Variants in TAOK3 observed in about 807,000 individuals in gnomAD.
TAOK3 encodes TAO kinase 3.
A neutral mutation model predicts 120.4 loss-of-function variants in TAOK3; 40 were observed. The ratio of observed to expected loss-of-function variants is 0.33; its 90% CI spans 0.26 to 0.43. TAOK3 has a LOEUF of 0.43. TAOK3 is among the 20% of genes least tolerant of loss of function. The pLI is 1.00. For synonymous variants in TAOK3, 355 were observed against 387.5 expected, an observed-to-expected ratio of 0.92 and a Z score of 0.99; for missense variants, 821 against 1,112.1, an observed-to-expected ratio of 0.74 and a Z score of 3.72.
intron 1 of TAOK3, among the ~76,000 whole-genome samples, chr12:118,270,899 G>C (rs576130127): frequency 6.6e-6 from 1 of 151,588 alleles, no homozygotes; most frequent in Non-Finnish European, 1.5e-5. Flanking sequence ...GGATGATCTC[G>C]ATCTTCTGAC....
intron 19 of TAOK3, 28 bp from the exon 20 acceptor site, chr12:118,152,437 A>G (rs2034516303): frequency 6.3e-7 from 1 of 1,586,864 alleles, no homozygotes; most frequent in Non-Finnish European, 8.6e-7. Flanking sequence ...ACACACGGTC[A>G]TGCACCCTTG....
chr12:118,269,610 T>C (rs1353116833), intron 1 of TAOK3, among the ~76,000 whole-genome samples: 11 of 152,096 alleles, frequency 7.2e-5, no homozygotes. Context: ...CTTGCGATGA[T>C]GCACCTGCCT....
chr12:118,361,415 A>G (rs2045593010), intron 1 of TAOK3, among the ~76,000 whole-genome samples: 1 of 152,150 alleles, frequency 6.6e-6, no homozygotes, highest in African/African-American at 2.4e-5. Flanking sequence ...TTTGCAGATG[A>G]ATACTACTCT....
At chr12:118,370,883 A>C (rs1479175804) in intron 1 of TAOK3, among the ~76,000 whole-genome samples, 1 of 152,150 alleles carries the variant, frequency 6.6e-6, no homozygotes, top group African/African-American at 2.4e-5. Flanking sequence ...AAATAGGTTT[A>C]TCTCTCTCCT....
intron 1 of TAOK3, among the ~76,000 whole-genome samples, chr12:118,289,911 C>T (rs1432803171): frequency 6.6e-6 from 1 of 151,508 alleles, no homozygotes. Flanking sequence ...AGGACAATAG[C>T]TTGAACCCGG....
chr12:118,333,961 C>T (rs2044255526), intron 1 of TAOK3, among the ~76,000 whole-genome samples: 1 of 151,246 alleles, frequency 6.6e-6, no homozygotes, highest in Non-Finnish European at 1.5e-5. Context: ...CATGGAGAAA[C>T]CCCATCTCTA....
rs144323783 is a variant in TAOK3, at chr12:118,295,117, C to T, written c.-193-28358G>A. 6.8e-4 allele frequency: 90 copies of T among 133,310 alleles called. 3 individuals are homozygous for T. Among genetic ancestry groups the T allele is most frequent in the African/African-American group, 2.3e-3 (84 of 36,720 alleles). The allele number at this position is 133,310 out of a possible 1,614,324, so 8.3% of individuals were successfully genotyped here. A position where few individuals can be genotyped will look rare whatever the true frequency, so the allele number is the denominator to read the frequency against. The stretch of plus-strand genomic sequence containing the variant: ...TGTTGCCCAGGCTGGAGTGCAGTGG[C>T]GCAACCTCTGCCTACCGGGTTCAAG... On this transcript the variant is annotated intron_variant, in intron 1 of 20. Coordinates refer to ENST00000392533, the MANE Select transcript of TAOK3 (RefSeq NM_016281.4).
chr12:118,216,419 T>G (rs754926726), intron 9 of TAOK3, among the ~76,000 whole-genome samples: 5 of 152,190 alleles, frequency 3.3e-5, no homozygotes, highest in Non-Finnish European at 7.3e-5. Flanking sequence ...TACATCATCA[T>G]ACAAATCTTT....
chr12:118,201,478 A>T lies in TAOK3; in HGVS notation c.820-15T>A. 1 of 1,594,192 alleles carries T rather than the reference A, an allele frequency of 6.3e-7. No homozygotes were observed. Among genetic ancestry groups the T allele is most frequent in the Non-Finnish European group, 8.6e-7 (1 of 1,169,474 alleles). On this transcript the variant is annotated splice_polypyrimidine_tract_variant and intron_variant, in intron 11 of 20. Coordinates refer to ENST00000392533, the MANE Select transcript of TAOK3 (RefSeq NM_016281.4). Reference sequence around the variant, plus strand: ...ACAAAGTCATGCTGATTGAGGGAGGAGGAAAAAATAAACTGATAATGAAGA... The same window carrying T: ...ACAAAGTCATGCTGATTGAGGGAGGTGGAAAAAATAAACTGATAATGAAGA...
chr12:118,179,037 C>T (rs932907095), intron 15 of TAOK3, among the ~76,000 whole-genome samples: 8 of 152,214 alleles, frequency 5.3e-5, no homozygotes, highest in African/African-American at 1.9e-4. Flanking sequence ...ATTCTCACAA[C>T]ATATTTACCA....
intron 1 of TAOK3, among the ~76,000 whole-genome samples, chr12:118,273,738 C>G (rs527931743): frequency 6.6e-6 from 1 of 152,104 alleles, no homozygotes; most frequent in Non-Finnish European, 1.5e-5. Flanking sequence ...ATAGCTTGAA[C>G]CCAGGAGGTG....
chr12:118,243,423 T>C lies in TAOK3; in HGVS notation c.286A>G (p.Thr96Ala). 1 of 1,557,378 alleles carries C rather than the reference T, an allele frequency of 6.4e-7. No homozygotes were observed. The highest frequency in any genetic ancestry group is 1.2e-5 in the South Asian group (1 of 83,954). ...EYKGCYLKEH[T>A]AWLVMEYCLG... ...GAGGTCCTTCGACTTACCCAAGCAG[T>C]GTGTTCTTTCAAGTAACAGCCTTTG... Residue 96 changes from threonine to alanine, a missense_variant, in exon 5 of 21, where the codon ACT (threonine) becomes GCT (alanine). Thr to Ala is a moderately conservative substitution (Grantham distance 58, BLOSUM62 0). Transcript: ENST00000392533.
At chr12:118,232,672 G>A (rs527664655) in intron 9 of TAOK3, among the ~76,000 whole-genome samples, 2 of 152,178 alleles carry the variant, frequency 1.3e-5, no homozygotes, top group African/African-American at 2.4e-5. Flanking sequence ...TTGGGACCTC[G>A]AGGCAGGCAG....
intron 11 of TAOK3, among the ~76,000 whole-genome samples, chr12:118,206,636 C>T (rs899787147): frequency 5.9e-5 from 9 of 151,882 alleles, no homozygotes; most frequent in African/African-American, 1.9e-4. Context: ...CTTGCTGTGT[C>T]GCCAGGCTGG....
intron 1 of TAOK3, among the ~76,000 whole-genome samples, chr12:118,332,044 C>T (rs1474147206): frequency 6.6e-6 from 1 of 152,140 alleles, no homozygotes; most frequent in African/African-American, 2.4e-5. Flanking sequence ...AGGTTGGTCT[C>T]GACCGCCTGA....
chr12:118,215,780 C>T (rs1200868153), intron 9 of TAOK3, among the ~76,000 whole-genome samples: 1 of 152,106 alleles, frequency 6.6e-6, no homozygotes, highest in Non-Finnish European at 1.5e-5. Context: ...GGCTGGAGTG[C>T]AGTGGCACAA....
At chr12:118,222,806 G>A (rs917902857) in intron 9 of TAOK3, among the ~76,000 whole-genome samples, 2 of 152,068 alleles carry the variant, frequency 1.3e-5, no homozygotes, top group Non-Finnish European at 2.9e-5. Flanking sequence ...TGGGATAAAA[G>A]ACTACGTATT....
intron 1 of TAOK3, among the ~76,000 whole-genome samples, chr12:118,274,444 A>G (rs1289212574): frequency 6.6e-6 from 1 of 152,174 alleles, no homozygotes; most frequent in Non-Finnish European, 1.5e-5. Context: ...GTCAACTGAC[A>G]TTAAATTATA....
At chr12:118,239,392 G>A (rs182890261) in intron 5 of TAOK3, 120 bp from the exon 6 acceptor site, 129 of 584,442 alleles carry the variant, frequency 2.2e-4, no homozygotes, top group Non-Finnish European at 3.4e-4. Context: ...TGATCTACCC[G>A]AACTTGGACT....
Sources: allele counts gnomAD v4.1 joint callset (sites outside exome capture counted in the v4.1 genomes callset), GRCh38; gene constraint gnomAD v4.1.1; transcripts MANE v1.5; gene names NCBI Gene and HGNC (gene_info 2026-07-23, HGNC 2026-07-21).